Variants in PARN observed in about 807,000 individuals in gnomAD.
PARN encodes poly(A)-specific ribonuclease, also known as poly(A)-specific ribonuclease PARN.
In PARN, 71 loss-of-function variants were observed where a neutral mutation model predicts 102.8. The observed-to-expected ratio is 0.69, with a 90% CI of 0.57 to 0.84. The LOEUF (loss-of-function observed/expected upper bound fraction) is 0.84, where lower values mean the gene tolerates loss of function less well. PARN is among the 40% of genes least tolerant of loss of function. The pLI is 0.00. For synonymous variants in PARN, 261 were observed against 252.9 expected (o/e 1.03, Z -0.30); for missense variants, 782 against 760.9 (o/e 1.03, Z -0.33).
chr16:14,488,116 T>C (rs1163950310), intron 21 of PARN, among the ~76,000 whole-genome samples: 1 of 152,128 alleles, frequency 6.6e-6, no homozygotes, highest in East Asian at 1.9e-4. Flanking sequence ...AACACGTATA[T>C]ATCTGTGAAA....
chr16:14,518,198 A>T (rs950813781), intron 21 of PARN, among the ~76,000 whole-genome samples: 1 of 151,266 alleles, frequency 6.6e-6, no homozygotes, highest in Admixed American at 6.6e-5. Context: ...ACCACAGAGA[A>T]AGACTACTTC....
chr16:14,543,139 T>G (rs1286884070), intron 21 of PARN, among the ~76,000 whole-genome samples: 2 of 152,218 alleles, frequency 1.3e-5, no homozygotes, highest in Non-Finnish European at 2.9e-5. Context: ...CATCTCATCT[T>G]AAACCATGGA....
At chr16:14,603,140 T>C (rs983492099) in intron 11 of PARN, among the ~76,000 whole-genome samples, 1 of 152,060 alleles carries the variant, frequency 6.6e-6, no homozygotes, top group African/African-American at 2.4e-5. Flanking sequence ...CTCAGACTGG[T>C]CTCAAACTAC....
intron 21 of PARN, among the ~76,000 whole-genome samples, chr16:14,542,841 C>G (rs1460170073): frequency 6.6e-6 from 1 of 151,968 alleles, no homozygotes; most frequent in African/African-American, 2.4e-5. Context: ...ACCAAAACAT[C>G]AAAAGATCTC....
intron 12 of PARN, among the ~76,000 whole-genome samples, chr16:14,594,323 TA>T (rs1448809103): frequency 1.3e-5 from 2 of 152,216 alleles, no homozygotes; most frequent in Non-Finnish European, 1.5e-5. Flanking sequence ...TGTCTCACAC[TA>T]TATGTGCAAC....
intron 21 of PARN, among the ~76,000 whole-genome samples, chr16:14,492,806 C>T (rs1441084136): frequency 6.6e-6 from 1 of 152,204 alleles, no homozygotes; most frequent in Non-Finnish European, 1.5e-5. Flanking sequence ...GGGAAAACCA[C>T]AGGCTCTGAG....
intron 21 of PARN, among the ~76,000 whole-genome samples, chr16:14,547,220 G>C (rs752354278): frequency 1.3e-5 from 2 of 152,048 alleles, no homozygotes; most frequent in African/African-American, 4.8e-5. Flanking sequence ...TTCATCTGAA[G>C]AGCCAGAGGG....
intron 2 of PARN, among the ~76,000 whole-genome samples, chr16:14,629,396 C>T (rs1448933646): frequency 6.6e-6 from 1 of 152,212 alleles, no homozygotes; most frequent in Non-Finnish European, 1.5e-5. Flanking sequence ...ATCCTGAGTC[C>T]AATCACAAAC....
intron 21 of PARN, among the ~76,000 whole-genome samples, chr16:14,536,867 C>T (rs1966631834): frequency 6.6e-6 from 1 of 152,036 alleles, no homozygotes; most frequent in South Asian, 2.1e-4. Flanking sequence ...TAGACAAATG[C>T]TAAAAGACAT....
At chr16:14,627,750 G>A (rs1972765946) in intron 3 of PARN, among the ~76,000 whole-genome samples, 2 of 152,310 alleles carry the variant, frequency 1.3e-5, no homozygotes, top group South Asian at 2.1e-4. Flanking sequence ...CACTTTGGGA[G>A]GCTAAAGCAG....
intron 11 of PARN, among the ~76,000 whole-genome samples, chr16:14,601,533 A>G (rs925802719): frequency 2.0e-5 from 3 of 152,182 alleles, no homozygotes; most frequent in African/African-American, 7.2e-5. Context: ...GGTGGTGATG[A>G]TTGCACAGCA....
chr16:14,494,639 G>A (rs965185150), intron 21 of PARN, among the ~76,000 whole-genome samples: 5 of 152,212 alleles, frequency 3.3e-5, no homozygotes, highest in African/African-American at 4.8e-5. Context: ...GAGAAGGGCC[G>A]GCGGTGCAGC....
At chr16:14,500,588 A>C (rs1964536608) in intron 21 of PARN, among the ~76,000 whole-genome samples, 1 of 152,082 alleles carries the variant, frequency 6.6e-6, no homozygotes, top group Non-Finnish European at 1.5e-5. Flanking sequence ...AGTACTCTCT[A>C]CATTTCTTTC....
chr16:14,495,824 A>G (rs1309510139), intron 21 of PARN, among the ~76,000 whole-genome samples: 1 of 152,104 alleles, frequency 6.6e-6, no homozygotes, highest in Non-Finnish European at 1.5e-5. Context: ...GAGGCACAGA[A>G]GGAGGGAGGT....
At position 14,442,828 on chromosome 16, in the gene PARN, G is replaced by A. The variant is rs1304307888; in HGVS notation, c.1864+4060C>T. 3.3e-5 allele frequency among the ~76,000 whole-genome samples: 5 copies of A among 152,164 alleles called. No individual in the cohort carries two copies. The South Asian group carries it at 8.3e-4, about 25-fold the overall frequency. ...TCGCCATGTTGGCCAGGCTGGTCTC[G>A]AACTCCTGACCCAAGGTGGTGGACT... On this transcript the variant is annotated intron_variant, in intron 23 of 23. Transcript: ENST00000437198.
At chr16:14,599,071 G>A (rs1970722513) in intron 12 of PARN, among the ~76,000 whole-genome samples, 1 of 141,386 alleles carries the variant, frequency 7.1e-6, no homozygotes, top group South Asian at 2.3e-4. Context: ...TGGAGACAGG[G>A]TCTGTCTGTC....
chr16:14,446,285 GC>G (rs915677260), intron 23 of PARN, among the ~76,000 whole-genome samples: 1 of 152,220 alleles, frequency 6.6e-6, no homozygotes, highest in African/African-American at 2.4e-5. Flanking sequence ...GCGCAGCATG[GC>G]CCCGCACACT....
intron 7 of PARN, 51 bp downstream of exon 7, chr16:14,610,593 T>A (rs1001844823): frequency 8.8e-7 from 1 of 1,135,490 alleles, no homozygotes; most frequent in Non-Finnish European, 1.3e-6. Flanking sequence ...ATGCCTGTCA[T>A]CCCCAATATA....
intron 10 of PARN, among the ~76,000 whole-genome samples, chr16:14,606,027 T>C (rs1464159905): frequency 6.6e-6 from 1 of 152,066 alleles, no homozygotes; most frequent in African/African-American, 2.4e-5. Flanking sequence ...CAGAAGAAAA[T>C]TAGGCTTAAA....
Sources: gnomAD v4.1 joint callset for allele counts (sites outside exome capture counted in the v4.1 genomes callset) on GRCh38, gnomAD v4.1.1 for gene constraint, MANE v1.5 for transcripts, NCBI Gene and HGNC (gene_info 2026-07-23, HGNC 2026-07-21) for gene names.